The following YBEY variants were observed in gnomAD, a reference collection of about 807,000 sequenced individuals.
The protein encoded by YBEY is endoribonuclease YbeY.
Under a neutral mutation model 13.5 loss-of-function variants are expected in YBEY, and 15 were observed. The ratio of observed to expected loss-of-function variants is 1.11; its 90% CI spans 0.75 to 1.72. YBEY has a LOEUF of 1.72. YBEY is among the 40% of genes most tolerant of loss of function. The pLI is 0.00. For synonymous variants in YBEY, 101 were observed against 83.1 expected (o/e 1.21, Z -1.17); for missense variants, 244 against 208.4 (o/e 1.17, Z -1.05).
chr21:46,304,604 A>G, the YBEY span, among the ~76,000 whole-genome samples: 1 of 152,332 alleles, frequency 6.6e-6, no homozygotes, highest in Admixed American at 6.5e-5. Context: ...GGCAAAAATG[A>G]AAAGTGTGAA....
chr21:46,309,848 T>G, the YBEY span, among the ~76,000 whole-genome samples: 1 of 151,304 alleles, frequency 6.6e-6, no homozygotes, highest in Non-Finnish European at 1.5e-5. Context: ...TACAAAAAAT[T>G]AGCAGGGCGT....
At chr21:46,304,954 A>G in the YBEY span, among the ~76,000 whole-genome samples, 4 of 152,244 alleles carry the variant, frequency 2.6e-5, no homozygotes, top group Non-Finnish European at 5.9e-5. Flanking sequence ...CCAGTCACAC[A>G]AAGACAAATA....
chr21:46,290,431 C>G (rs1198811243), intron 2 of YBEY, among the ~76,000 whole-genome samples: 1 of 151,906 alleles, frequency 6.6e-6, no homozygotes, highest in Non-Finnish European at 1.5e-5. Flanking sequence ...GTGTCAAACC[C>G]CTGACCTCTT....
the YBEY span, chr21:46,311,431 A>C: frequency 2.1e-6 from 3 of 1,406,854 alleles, no homozygotes; most frequent in Non-Finnish European, 2.9e-6. Flanking sequence ...CTCAACCCAC[A>C]ACAATATGAA....
chr21:46,298,721 G>A (rs1037973042), downstream of YBEY, among the ~76,000 whole-genome samples: 11 of 148,672 alleles, frequency 7.4e-5, no homozygotes, highest in Admixed American at 2.0e-4. Context: ...GAGCCACCAC[G>A]CCCGGCCTGT....
chr21:46,290,029 T>TCGTGTGTGTG (rs56340130), intron 2 of YBEY, among the ~76,000 whole-genome samples: 26 of 41,656 alleles, frequency 6.2e-4, no homozygotes, highest in South Asian at 7.3e-4. Context: ...GGTTGCAGTT[T>TCGTGTGTGTG]TGTATGTGTG....
At chr21:46,310,213 A>G in the YBEY span, among the ~76,000 whole-genome samples, 1 of 152,000 alleles carries the variant, frequency 6.6e-6, no homozygotes, top group Non-Finnish European at 1.5e-5. Context: ...GTGGTGGCTC[A>G]CACCTGTAAT....
At chr21:46,291,530 C>G (rs985447376) in intron 3 of YBEY, 68 bp downstream of exon 3, 6 of 1,596,740 alleles carry the variant, frequency 3.8e-6, no homozygotes, top group Non-Finnish European at 5.1e-6. Context: ...GGGTCAAGAT[C>G]ACAACCCTGC....
At chr21:46,303,729 ATATATATATATATATATTT>A in the YBEY span, among the ~76,000 whole-genome samples, 2 of 27,182 alleles carry the variant, frequency 7.4e-5, no homozygotes, top group African/African-American at 3.6e-4. Context: ...ATATATATAT[ATATATATATATATATATTT>A]TTTTTTTTTT....
chr21:46,298,870 G>A (rs2082038306), downstream of YBEY, among the ~76,000 whole-genome samples: 1 of 152,048 alleles, frequency 6.6e-6, no homozygotes, highest in Admixed American at 6.6e-5. Context: ...GACTACAAGT[G>A]CGCACCACTA....
chr21:46,304,408 G>C, the YBEY span, among the ~76,000 whole-genome samples: 1 of 151,562 alleles, frequency 6.6e-6, no homozygotes, highest in South Asian at 2.1e-4. Context: ...GAGTGCTTGA[G>C]CCCAGAAGTT....
chr21:46,302,299 G>T (rs547534643), downstream of YBEY: 3 of 1,353,836 alleles, frequency 2.2e-6, no homozygotes, highest in Non-Finnish European at 3.0e-6. Context: ...CTCCTCCCCC[G>T]CCCCAAATTG....
chr21:46,311,654 TCCAACCAACCAA>T, the YBEY span: 1 of 669,188 alleles, frequency 1.5e-6, no homozygotes, highest in Non-Finnish European at 2.4e-6. Flanking sequence ...CACCCACCCA[TCCAACCAACCAA>T]CCAACCAACC....
downstream of YBEY, among the ~76,000 whole-genome samples, chr21:46,299,696 T>C (rs1231195929): frequency 6.6e-6 from 1 of 151,774 alleles, no homozygotes; most frequent in Admixed American, 6.6e-5. Context: ...TCAACCTCTC[T>C]CAGTGAGTGT....
At chr21:46,289,679 CCTGACCTCAGGTGAT>C (rs1009142634) in intron 2 of YBEY, among the ~76,000 whole-genome samples, 1 of 151,906 alleles carries the variant, frequency 6.6e-6, no homozygotes, top group Non-Finnish European at 1.5e-5. Context: ...GTCTAGAACT[CCTGACCTCAGGTGAT>C]CTACCCGCCT....
chr21:46,296,323 C>T, intron 4 of YBEY, 93 bp downstream of exon 4: 1 of 1,434,852 alleles, frequency 7.0e-7, no homozygotes, highest in Non-Finnish European at 9.7e-7. Context: ...ATCTTGACCG[C>T]CCCCGCAGGA....
At chr21:46,305,274 T>C in the YBEY span, among the ~76,000 whole-genome samples, 1 of 149,976 alleles carries the variant, frequency 6.7e-6, no homozygotes, top group Non-Finnish European at 1.5e-5. Flanking sequence ...TGCACTTAAG[T>C]GGTCACAATG....
intron 3 of YBEY, among the ~76,000 whole-genome samples, chr21:46,292,358 G>C (rs1285449466): frequency 6.6e-6 from 1 of 152,218 alleles, no homozygotes; most frequent in African/African-American, 2.4e-5. Context: ...ACCTACATCT[G>C]AGCAGAATTC....
At chr21:46,290,452 C>T (rs527642837) in intron 2 of YBEY, among the ~76,000 whole-genome samples, 2 of 152,088 alleles carry the variant, frequency 1.3e-5, no homozygotes, top group African/African-American at 4.8e-5. Context: ...GATCTGCCCG[C>T]CTCGGCCTCC....
Sources: gnomAD v4.1 joint callset for allele counts (sites outside exome capture counted in the v4.1 genomes callset) on GRCh38, gnomAD v4.1.1 for gene constraint, MANE v1.5 for transcripts, NCBI Gene and HGNC (gene_info 2026-07-23, HGNC 2026-07-21) for gene names.